NINL: variants seen among roughly 807,000 people sequenced by gnomAD.
The protein encoded by NINL is ninein-like protein.
A neutral mutation model predicts 160.3 loss-of-function variants in NINL; 153 were observed. That is an observed-to-expected ratio of 0.95 (90% CI 0.84 to 1.09). The LOEUF is 1.09. Among genes scored for constraint, NINL ranks in the 50% least tolerant of loss-of-function variants. The probability of loss-of-function intolerance (pLI) is 0.00; values close to 1 mark genes in which losing one functional copy is unlikely to be tolerated. For missense variants in NINL, 1,829 were observed against 1,764.0 expected, an observed-to-expected ratio of 1.04 and a Z score of -0.66; for synonymous variants, 800 against 734.8, an observed-to-expected ratio of 1.09 and a Z score of -1.43.
chr20:25,567,947 A>G (rs999795030), intron 1 of NINL, among the ~76,000 whole-genome samples: 1 of 152,028 alleles, frequency 6.6e-6, no homozygotes, highest in Non-Finnish European at 1.5e-5. Flanking sequence ...TCTCAGAGGA[A>G]AATTTATTAT....
chr20:25,498,214 G>A lies in NINL; in HGVS notation c.1165C>T (p.Gln389Ter). The A allele has an allele frequency of 6.2e-7, 1 of 1,612,608 alleles. No individual in the cohort carries two copies. Among genetic ancestry groups the A allele is most frequent in the Non-Finnish European group, 8.5e-7 (1 of 1,180,016 alleles). ...LACYHQELSY[Q>*]QGQVEQLARE... ...CAGTCCCCTGTGGCCTCTTACTGCT[G>A]GTAGCTCAGCTCCTGGTGGTAGCAG... is the stretch of plus-strand genomic sequence containing the variant. Residue 389 changes from glutamine to a stop codon, truncating the protein, a stop_gained, in exon 9 of 24, where the codon CAG (glutamine) becomes TAG (stop). Coordinates refer to ENST00000278886, the MANE Select transcript of NINL (RefSeq NM_025176.6). LOFTEE classifies it high-confidence loss of function.
At chr20:25,522,442 A>G (rs1279600113) in intron 2 of NINL, among the ~76,000 whole-genome samples, 2 of 152,206 alleles carry the variant, frequency 1.3e-5, no homozygotes. Flanking sequence ...TCCCATACTG[A>G]AAAAGCTGTT....
chr20:25,532,024 A>C (rs2064473674), intron 1 of NINL, among the ~76,000 whole-genome samples: 1 of 152,170 alleles, frequency 6.6e-6, no homozygotes, highest in Non-Finnish European at 1.5e-5. Flanking sequence ...GGGCCTGCAG[A>C]GCCCTGGCTG....
At position 25,517,785 on chromosome 20, in the gene NINL, G is replaced by A; in HGVS notation, c.245C>T (p.Pro82Leu). ...CAAAGAACTACTGTCTTCATCTGAGGGGCGAACACCAGCATTTGAAGACAA... is the reference window on the plus strand; with the variant it reads ...CAAAGAACTACTGTCTTCATCTGAGAGGCGAACACCAGCATTTGAAGACAA... ...AVLSSNAGVR[P>L]SDEDSSSLES... The change falls in exon 3 of 24, where the codon CCC becomes CTC. Residue 82 changes from proline (P) to leucine (L), a missense_variant. Coordinates refer to ENST00000278886, the MANE Select transcript of NINL (RefSeq NM_025176.6). 6.2e-7 allele frequency: 1 copy of A among 1,607,114 alleles called. No homozygotes were observed. The highest frequency in any genetic ancestry group is 8.5e-7 in the Non-Finnish European group (1 of 1,178,188).
At chr20:25,571,466 C>T (rs555620012) in intron 1 of NINL, among the ~76,000 whole-genome samples, 2 of 152,240 alleles carry the variant, frequency 1.3e-5, no homozygotes, top group South Asian at 4.2e-4. Flanking sequence ...CCAGCAGCAG[C>T]CTGAGTACAC....
chr20:25,471,145 G>A (rs1220185210), intron 17 of NINL, among the ~76,000 whole-genome samples: 8 of 151,984 alleles, frequency 5.3e-5, no homozygotes, highest in Non-Finnish European at 7.4e-5. Context: ...GTAGGCATGC[G>A]CCACCACGCC....
chr20:25,573,226 G>A (rs2065074936), intron 1 of NINL, among the ~76,000 whole-genome samples: 1 of 151,016 alleles, frequency 6.6e-6, no homozygotes, highest in Non-Finnish European at 1.5e-5. Context: ...GAACCTGGGA[G>A]GCGGAGGCTG....
At chr20:25,495,256 C>A (rs551309265) in intron 10 of NINL, among the ~76,000 whole-genome samples, 2 of 152,306 alleles carry the variant, frequency 1.3e-5, no homozygotes, top group East Asian at 1.9e-4. Flanking sequence ...GCAGCTGGCA[C>A]AATTCCAACA....
chr20:25,565,924 G>A (rs1464996460), intron 1 of NINL, among the ~76,000 whole-genome samples: 2 of 152,184 alleles, frequency 1.3e-5, no homozygotes, highest in African/African-American at 4.8e-5. Flanking sequence ...GACTTACACT[G>A]GCGACCCCCG....
intron 1 of NINL, among the ~76,000 whole-genome samples, chr20:25,576,092 A>G (rs530303139): frequency 3.9e-5 from 6 of 152,322 alleles, no homozygotes; most frequent in Admixed American, 3.3e-4. Flanking sequence ...CATGGTGCCA[A>G]CAATGTCCTT....
In NINL at chr20:25,506,453, G is replaced by C. The variant is rs145938280; in HGVS notation, c.518-1375C>G. ...CTTCTTCTCTACCCGCTTTTCTTACGGCTGAAGTGTTTAGAAGTACAGATG... is the reference window on the plus strand; with the variant it reads ...CTTCTTCTCTACCCGCTTTTCTTACCGCTGAAGTGTTTAGAAGTACAGATG... On this transcript the variant is annotated intron_variant, in intron 5 of 23. Transcript: ENST00000278886. Among the ~76,000 whole-genome samples the C allele has an allele frequency of 2.0e-5, 3 of 152,270 alleles. No individual in the cohort carries two copies. In the South Asian group the frequency reaches 6.2e-4, roughly 32 times the overall value.
chr20:25,580,573 A>C (rs2065163552), intron 1 of NINL, among the ~76,000 whole-genome samples: 1 of 152,186 alleles, frequency 6.6e-6, no homozygotes, highest in Non-Finnish European at 1.5e-5. Flanking sequence ...TCTGAAGTCC[A>C]AGGAAAGACA....
At chr20:25,542,947 C>T (rs916000084) in intron 1 of NINL, among the ~76,000 whole-genome samples, 13 of 146,278 alleles carry the variant, frequency 8.9e-5, no homozygotes, top group Non-Finnish European at 1.5e-4. Context: ...GGCCAAGGCA[C>T]GAGAATTGCT....
chr20:25,496,878 C>T (rs879127355), intron 9 of NINL, 75 bp from the exon 10 acceptor site: 2 of 1,566,982 alleles, frequency 1.3e-6, no homozygotes, highest in South Asian at 1.2e-5. Context: ...GGCTCTGGGC[C>T]CCATATCTGC....
At chr20:25,584,287 C>T (rs2065204347) in intron 1 of NINL, among the ~76,000 whole-genome samples, 1 of 152,132 alleles carries the variant, frequency 6.6e-6, no homozygotes, top group African/African-American at 2.4e-5. Context: ...GCCTGGCCAA[C>T]ATGGTGAAAC....
At chr20:25,544,781 A>T (rs2064712751) in intron 1 of NINL, among the ~76,000 whole-genome samples, 1 of 152,246 alleles carries the variant, frequency 6.6e-6, no homozygotes, top group South Asian at 2.1e-4. Context: ...GGTGCAGGGA[A>T]AAGACATTTG....
intron 6 of NINL, 45 bp downstream of exon 6, chr20:25,504,843 C>T (rs376736780): frequency 8.8e-6 from 14 of 1,597,382 alleles, no homozygotes; most frequent in Admixed American, 1.7e-5. Context: ...TAAACCGTGA[C>T]CATGGCCAGG....
rs746716443 is a variant in NINL at position 25,476,375 on chromosome 20, A to G, written c.2916T>C (p.Ala972=). The change falls in exon 17 of 24, where the codon GCT becomes GCC. Residue 972 remains alanine (A), a synonymous_variant. Coordinates refer to ENST00000278886, the MANE Select transcript of NINL (RefSeq NM_025176.6). ...LRPAASCRGQ[A]ERLQAIQEER... ...CTTCCTGAATGGCCTGTAGCCTCTC[A>G]GCCTGTCCCCTGCACGAAGCGGCCG... The G allele has an allele frequency of 6.2e-7, 1 of 1,611,258 alleles. No individual in the cohort carries two copies. The highest frequency in any genetic ancestry group is 2.2e-5 in the East Asian group (1 of 44,750).
chr20:25,529,193 G>T (rs1460428085), intron 1 of NINL, among the ~76,000 whole-genome samples: 1 of 152,076 alleles, frequency 6.6e-6, no homozygotes, highest in Non-Finnish European at 1.5e-5. Flanking sequence ...AGGATAGCTT[G>T]AGCCCAGGAT....
Sources: allele counts gnomAD v4.1 joint callset (sites outside exome capture counted in the v4.1 genomes callset), GRCh38; gene constraint gnomAD v4.1.1; transcripts MANE v1.5; gene names NCBI Gene and HGNC (gene_info 2026-07-23, HGNC 2026-07-21).